The following FABP7 variants were observed in gnomAD, a reference collection of about 807,000 sequenced individuals.
FABP7 encodes fatty acid-binding protein, brain.
A neutral mutation model predicts 14.2 loss-of-function variants in FABP7; 13 were observed. The ratio of observed to expected loss-of-function variants is 0.91; its 90% CI spans 0.59 to 1.45. FABP7 has a LOEUF of 1.45. Among genes scored for constraint, FABP7 ranks in the 40% most tolerant of loss-of-function variants. FABP7 has a pLI of 0.00. For missense variants in FABP7, 149 were observed against 157.6 expected, an observed-to-expected ratio of 0.95 and a Z score of 0.29; for synonymous variants, 49 against 51.4, an observed-to-expected ratio of 0.95 and a Z score of 0.20.
At chr6:122,760,700 T>C in the FABP7 span, among the ~76,000 whole-genome samples, 1 of 152,140 alleles carries the variant, frequency 6.6e-6, no homozygotes, top group Non-Finnish European at 1.5e-5. Flanking sequence ...ACTAATCTTT[T>C]ATAAGTGGTT....
At chr6:122,778,086 T>TA (rs1780705547), upstream of FABP7, among the ~76,000 whole-genome samples, 1 of 152,170 alleles carries the variant, frequency 6.6e-6, no homozygotes, top group Admixed American at 6.5e-5. Flanking sequence ...AACCAAACTG[T>TA]AATCTGACCA....
chr6:122,761,901 G>A, the FABP7 span, among the ~76,000 whole-genome samples: 1 of 152,092 alleles, frequency 6.6e-6, no homozygotes, highest in Non-Finnish European at 1.5e-5. Flanking sequence ...ACAATTAATA[G>A]CCTACCAACC....
the FABP7 span, among the ~76,000 whole-genome samples, chr6:122,762,905 A>G: frequency 6.6e-6 from 1 of 152,176 alleles, no homozygotes; most frequent in Non-Finnish European, 1.5e-5. Flanking sequence ...CAAAAATGGA[A>G]GAACATTCCA....
chr6:122,775,871 T>A (rs948173523), upstream of FABP7, among the ~76,000 whole-genome samples: 5 of 151,812 alleles, frequency 3.3e-5, no homozygotes, highest in Non-Finnish European at 7.4e-5. Context: ...AATTATCTGA[T>A]TGAAAATTAG....
chr6:122,776,829 A>G (rs1780683811), upstream of FABP7, among the ~76,000 whole-genome samples: 1 of 152,232 alleles, frequency 6.6e-6, no homozygotes. Flanking sequence ...ATTAAAAAAT[A>G]GTCACTTGAC....
At chr6:122,781,678 A>C in intron 3 of FABP7, 1 of 1,005,182 alleles carries the variant, frequency 9.9e-7, no homozygotes, top group Non-Finnish European at 1.2e-6. Flanking sequence ...ATAATTTAGA[A>C]TATAACAGAA....
the FABP7 span, among the ~76,000 whole-genome samples, chr6:122,756,071 C>CT: frequency 6.6e-6 from 1 of 152,174 alleles, no homozygotes; most frequent in Non-Finnish European, 1.5e-5. Flanking sequence ...CAGTTCTGCG[C>CT]TCCCCCCTTT....
At chr6:122,762,880 T>G in the FABP7 span, among the ~76,000 whole-genome samples, 1 of 152,014 alleles carries the variant, frequency 6.6e-6, no homozygotes, top group Non-Finnish European at 1.5e-5. Context: ...CACTGCTCAA[T>G]GAAATAAAAG....
At chr6:122,773,218 G>A in the FABP7 span, among the ~76,000 whole-genome samples, 1 of 152,112 alleles carries the variant, frequency 6.6e-6, no homozygotes. Context: ...TGCAACCCTT[G>A]CTGACATTAA....
At chr6:122,762,906 G>A in the FABP7 span, among the ~76,000 whole-genome samples, 3 of 152,086 alleles carry the variant, frequency 2.0e-5, no homozygotes, top group Non-Finnish European at 4.4e-5. Context: ...AAAAATGGAA[G>A]AACATTCCAT....
chr6:122,783,205 T>C (rs1414848152), intron 3 of FABP7: 1 of 985,336 alleles, frequency 1.0e-6, no homozygotes, highest in Non-Finnish European at 1.2e-6. Flanking sequence ...TGCGTTCACA[T>C]AGGCTAAACC....
At chr6:122,750,953 T>A in the FABP7 span, among the ~76,000 whole-genome samples, 2 of 152,244 alleles carry the variant, frequency 1.3e-5, no homozygotes, top group Non-Finnish European at 2.9e-5. Context: ...ATTATGCTGT[T>A]ATTTTCAGTC....
At chr6:122,779,495 T>C (rs17848129), upstream of FABP7, 268 of 412,528 alleles carry the variant, frequency 6.5e-4, no homozygotes, top group East Asian at 5.9e-3. Flanking sequence ...ATAAGGGCTG[T>C]AGTGTGAGGA....
At chr6:122,766,833 A>C in the FABP7 span, among the ~76,000 whole-genome samples, 1 of 152,224 alleles carries the variant, frequency 6.6e-6, no homozygotes, top group Admixed American at 6.6e-5. Context: ...GAGGAAATTA[A>C]AATACCATTA....
upstream of FABP7, chr6:122,779,696 C>A: frequency 9.0e-7 from 1 of 1,115,000 alleles, no homozygotes; most frequent in African/African-American, 1.5e-5. Flanking sequence ...AATAAGAAGG[C>A]AGGAGCTGCT....
intron 3 of FABP7, chr6:122,782,294 G>A: frequency 1.3e-6 from 1 of 762,656 alleles, no homozygotes; most frequent in Non-Finnish European, 1.6e-6. Context: ...AGTTCTGAAA[G>A]CTGGACGCCT....
chr6:122,774,889 A>C (rs1343733771), upstream of FABP7, among the ~76,000 whole-genome samples: 2 of 152,124 alleles, frequency 1.3e-5, no homozygotes, highest in East Asian at 3.9e-4. Flanking sequence ...AAAAGATATC[A>C]AGAAGGCAAT....
chr6:122,774,958 A>G (rs1780646078), upstream of FABP7, among the ~76,000 whole-genome samples: 1 of 152,128 alleles, frequency 6.6e-6, no homozygotes, highest in African/African-American at 2.4e-5. Flanking sequence ...CAAAAAAGTG[A>G]AGGATCTCTA....
At chr6:122,781,743 T>TC in intron 3 of FABP7, 1 of 795,012 alleles carries the variant, frequency 1.3e-6, no homozygotes, top group Non-Finnish European at 1.5e-6. Flanking sequence ...GATAACCCTT[T>TC]TTTTTTTTTT....
Sources: allele counts gnomAD v4.1 joint callset (sites outside exome capture counted in the v4.1 genomes callset), GRCh38; gene constraint gnomAD v4.1.1; transcripts MANE v1.5; gene names NCBI Gene and HGNC (gene_info 2026-07-23, HGNC 2026-07-21).